Variants in VARS1 observed in about 807,000 individuals in gnomAD.
VARS1 encodes valine--tRNA ligase.
VARS1 carries 92 observed loss-of-function variants against 161.0 expected under a neutral mutation model. The ratio of observed to expected loss-of-function variants is 0.57; its 90% CI spans 0.48 to 0.68. The LOEUF (loss-of-function observed/expected upper bound fraction) is 0.68, where lower values mean the gene tolerates loss of function less well. Among genes scored for constraint, VARS1 ranks in the 30% least tolerant of loss-of-function variants. VARS1 has a pLI of 0.00. For missense variants in VARS1, 1,338 were observed against 1,695.9 expected (o/e 0.79, Z 3.71); for synonymous variants, 595 against 682.5 (o/e 0.87, Z 2.00).
chr6:31,782,857 T>A lies in VARS1; in HGVS notation c.1763-12A>T. ...GATCTTCACAGCACCTGGGTGTACA[T>A]CAGGATGCCCAGGTCATGAGGGACT... On this transcript the variant is annotated splice_polypyrimidine_tract_variant and intron_variant, in intron 14 of 29. Coordinates refer to ENST00000375663, the MANE Select transcript of VARS1 (RefSeq NM_006295.3). This position sits in a 1 kb window ranked among gnomAD's most constrained non-coding sequence, Gnocchi z 8.3. The A allele has an allele frequency of 6.2e-7, 1 of 1,607,530 alleles. No homozygotes were observed. The highest frequency in any genetic ancestry group is 8.5e-7 in the Non-Finnish European group (1 of 1,177,168).
At chr6:31,788,148 A>G (rs1187134221) in intron 8 of VARS1, among the ~76,000 whole-genome samples, 1 of 152,000 alleles carries the variant, frequency 6.6e-6, no homozygotes, top group Non-Finnish European at 1.5e-5. Flanking sequence ...TGAAAAATTG[A>G]AAAAACAAAA....
chr6:31,779,280 A>G lies in VARS1; in HGVS notation c.3413T>C (p.Val1138Ala), dbSNP rs1311941288. 1 of 1,603,064 alleles carries G rather than the reference A, an allele frequency of 6.2e-7. No individual in the cohort carries two copies. Among genetic ancestry groups the G allele is most frequent in the Admixed American group, 1.7e-5 (1 of 59,908 alleles). Reference sequence around the variant, plus strand: ...CAGGGCGCCCGTGGCCTCATCCGCCACTTCCAGGAAACCTGCCAGGGAGGG... The same window carrying G: ...CAGGGCGCCCGTGGCCTCATCCGCCGCTTCCAGGAAACCTGCCAGGGAGGG... ...TRIRPDCFLE[V>A]ADEATGALAS... Residue 1138 changes from valine to alanine, a missense_variant, in exon 29 of 30, where the codon GTG becomes GCG. Val to Ala is a moderately conservative substitution (Grantham distance 64, BLOSUM62 0). Transcript: ENST00000375663. This position sits in a 1 kb window ranked among gnomAD's most constrained non-coding sequence, Gnocchi z 9.1.
intron 6 of VARS1, 114 bp downstream of exon 6, chr6:31,792,103 G>A (rs1391263741): frequency 3.4e-6 from 5 of 1,467,512 alleles, no homozygotes; most frequent in Non-Finnish European, 3.7e-6. Flanking sequence ...TAGAGGCAGG[G>A]CAGGGGGTCT....
At chr6:31,788,513 A>AC (rs997009875) in intron 8 of VARS1, among the ~76,000 whole-genome samples, 4 of 149,152 alleles carry the variant, frequency 2.7e-5, no homozygotes, top group Non-Finnish European at 6.0e-5. Flanking sequence ...AAAAAAAACA[A>AC]AAAAAAAAAC....
In VARS1 at chr6:31,795,074, G is replaced by C. The variant is rs765215584; in HGVS notation, c.144C>G (p.Ser48Arg). The change falls in exon 2 of 30, where the codon AGC becomes AGG. Residue 48 changes from serine (S) to arginine (R), a missense_variant. By Grantham distance (110) the Ser-to-Arg change is moderately radical. Transcript: ENST00000375663. The surrounding 1 kb of genome is among the most constrained non-coding windows in gnomAD (Gnocchi z 6.9). ...GGCGGGGTGGGGGAAAGGGAGTCCTGCTAGTCGGGGGTGGCTGGAGACAGA... is the reference window on the plus strand; with the variant it reads ...GGCGGGGTGGGGGAAAGGGAGTCCTCCTAGTCGGGGGTGGCTGGAGACAGA... ...PRICLQPPPT[S>R]RTPFPPPRLP... 130 of 1,511,778 alleles carry C rather than the reference G, an allele frequency of 8.6e-5. No homozygotes were observed. Among genetic ancestry groups the C allele is most frequent in the Non-Finnish European group, 1.1e-4 (125 of 1,125,904 alleles). The allele number at this position is 1,511,778 out of a possible 1,614,324, so 93.6% of individuals were successfully genotyped here. A position where few individuals can be genotyped will look rare whatever the true frequency, so the allele number is the denominator to read the frequency against.
In VARS1 at chr6:31,784,679, C is replaced by T; in HGVS notation, c.1383G>A (p.Arg461=). The T allele has an allele frequency of 6.2e-7, 1 of 1,612,966 alleles. No homozygotes were observed. The highest frequency in any genetic ancestry group is 8.5e-7 in the Non-Finnish European group (1 of 1,180,024). The change falls in exon 11 of 30, where the codon CGG becomes CGA. Residue 461 remains arginine (R), a synonymous_variant. Transcript: ENST00000375663. The surrounding 1 kb of genome is among the most constrained non-coding windows in gnomAD (Gnocchi z 6.1). The stretch of plus-strand genomic sequence containing the variant: ...GATAGATGATGCCTTCCTCGTGAAG[C>T]CGGACAAAGGCCTCTGTCACAGCTG... ...LSAAVTEAFV[R]LHEEGIIYRS...
Position 31,782,416 on chromosome 6 carries a change from C to T in VARS1, c.2019G>A (p.Leu673=). 4.3e-6 allele frequency: 7 copies of T among 1,612,344 alleles called. No homozygotes were observed. The highest frequency in any genetic ancestry group is 1.1e-5 in the South Asian group (1 of 90,988). ...CNRSKDVVEP[L]LRPQWYVRCG... The stretch of plus-strand genomic sequence containing the variant: ...AGCGAACGTACCACTGCGGCCGCAG[C>T]AGAGGCTCTACCACGTCCTTCGACC... Residue 673 remains leucine (L), a synonymous_variant, in exon 17 of 30, where the codon CTG becomes CTA. Transcript: ENST00000375663. The surrounding 1 kb of genome is among the most constrained non-coding windows in gnomAD (Gnocchi z 8.3).
Position 31,777,787 on chromosome 6 carries a change from G to T in VARS1, c.3727-125C>A. On this transcript the variant is annotated intron_variant, in intron 29 of 29. Coordinates refer to ENST00000375663, the MANE Select transcript of VARS1 (RefSeq NM_006295.3). This position sits in a 1 kb window ranked among gnomAD's most constrained non-coding sequence, Gnocchi z 5.8. ...GAGGTCAGTAGCTCAGAGGAGGCGT[G>T]AACCTGGCTGGCCTGGCTCCCCACC... 1.8e-6 allele frequency: 2 copies of T among 1,136,424 alleles called. No individual in the cohort carries two copies. Among genetic ancestry groups the T allele is most frequent in the Non-Finnish European group, 1.3e-6 (1 of 785,444 alleles). The allele number at this position is 1,136,424 out of a possible 1,614,324, so 70.4% of individuals were successfully genotyped here. A position where few individuals can be genotyped will look rare whatever the true frequency, so the allele number is the denominator to read the frequency against.
In VARS1 at chr6:31,784,296, T is replaced by G. The variant is rs770079404; in HGVS notation, c.1589A>C (p.Glu530Ala). The stretch of plus-strand genomic sequence containing the variant: ...GATCCGAGTTGTTGCCACCACCACC[T>G]CCTCGTCGCTATCTGGGGTGACAGA... ...YKVQGSDSDE[E>A]VVVATTRIET... The change falls in exon 13 of 30, where the codon GAG becomes GCG. Residue 530 changes from glutamate to alanine, a missense_variant. This residue lies in a region of VARS1 where 902 missense variants were observed against 1,090.3 expected (regional missense o/e 0.83). Transcript: ENST00000375663. The surrounding 1 kb of genome is among the most constrained non-coding windows in gnomAD (Gnocchi z 6.1). 1.9e-6 allele frequency: 3 copies of G among 1,614,186 alleles called. No homozygotes were observed. The highest frequency in any genetic ancestry group is 2.5e-6 in the Non-Finnish European group (3 of 1,180,040).
rs149378938 is a variant in VARS1, at chr6:31,779,470, G to C, written c.3355C>G (p.Arg1119Gly). 1 of 1,612,650 alleles carries C rather than the reference G, an allele frequency of 6.2e-7. No individual in the cohort carries two copies. The highest frequency in any genetic ancestry group is 8.5e-7 in the Non-Finnish European group (1 of 1,180,010). ...AGGTTGTAGTCGGCCCGCAGGGAGCGCACGGCTCGCGTGATGCTTAGCGCC... is the reference window on the plus strand; with the variant it reads ...AGGTTGTAGTCGGCCCGCAGGGAGCCCACGGCTCGCGTGATGCTTAGCGCC... The part of the protein sequence containing the change: ...ELALSITRAV[R>G]SLRADYNLTR... The change falls in exon 28 of 30, where the codon CGC becomes GGC. Residue 1119 changes from arginine to glycine, a missense_variant. Coordinates refer to ENST00000375663, the MANE Select transcript of VARS1 (RefSeq NM_006295.3). The surrounding 1 kb of genome is among the most constrained non-coding windows in gnomAD (Gnocchi z 9.1).
chr6:31,780,575 C>T lies in VARS1; in HGVS notation c.2798-7G>A, dbSNP rs762381553. On this transcript the variant is annotated splice_region_variant and splice_polypyrimidine_tract_variant and intron_variant, in intron 24 of 29. Transcript: ENST00000375663. The surrounding 1 kb of genome is among the most constrained non-coding windows in gnomAD (Gnocchi z 5.1). ...TCCAGGTTGATGTCACGACCTGGGT[C>T]GGGGGTGAGATGTGAGTCCTCATCA... 1.4e-5 allele frequency: 22 copies of T among 1,612,982 alleles called. No individual in the cohort carries two copies. The highest frequency in any genetic ancestry group is 1.7e-4 in the Middle Eastern group (1 of 6,056).
At position 31,782,848 on chromosome 6, in the gene VARS1, G is replaced by C. The variant is rs777997585; in HGVS notation, c.1763-3C>G. 2.1e-5 allele frequency: 34 copies of C among 1,609,602 alleles called. No individual in the cohort carries two copies. Among genetic ancestry groups the C allele is most frequent in the Non-Finnish European group, 2.8e-5 (33 of 1,178,314 alleles). ...TGCGGGGGTGATCTTCACAGCACCT[G>C]GGTGTACATCAGGATGCCCAGGTCA... On this transcript the variant is annotated splice_region_variant and splice_polypyrimidine_tract_variant and intron_variant, in intron 14 of 29. Transcript: ENST00000375663. The surrounding 1 kb of genome is among the most constrained non-coding windows in gnomAD (Gnocchi z 8.3).
rs1230738474 is a variant in VARS1 at position 31,779,957 on chromosome 6, C to T, written c.3081+41G>A. 4.3e-6 allele frequency: 7 copies of T among 1,610,564 alleles called. No individual in the cohort carries two copies. Among genetic ancestry groups the T allele is most frequent in the Non-Finnish European group, 5.1e-6 (6 of 1,178,220 alleles). ...ACTGAGCCCAGGGCTCTGCTGCCCA[C>T]CTGCCCCCACCATCCCCTGCCCCGC... On this transcript the variant is annotated intron_variant, in intron 26 of 29. Transcript: ENST00000375663. The surrounding 1 kb of genome is among the most constrained non-coding windows in gnomAD (Gnocchi z 9.1).
Position 31,793,065 on chromosome 6 carries a change from A to C in VARS1, c.443T>G (p.Leu148Arg), listed in dbSNP as rs761148517. ...GGCCTCCCCGGCCAAGTAGGTGTGC[A>C]GCCGAAGCCACTCCTCCAAGGGGCT... Reference protein sequence around the residue: ...ALSPLEEWLRLHTYLAGEAPT... With the variant: ...ALSPLEEWLRRHTYLAGEAPT... Residue 148 changes from leucine (L) to arginine (R), a missense_variant, in exon 3 of 30, where the codon CTG becomes CGG. Transcript: ENST00000375663. The C allele has an allele frequency of 5.6e-6, 9 of 1,612,932 alleles. 2 individuals carry two copies. The South Asian group carries it at 7.7e-5, about 14-fold the overall frequency.
Position 31,784,840 on chromosome 6 carries a change from G to A in VARS1, c.1348-126C>T. 3.6e-6 allele frequency: 5 copies of A among 1,383,194 alleles called. No homozygotes were observed. Among genetic ancestry groups the A allele is most frequent in the Non-Finnish European group, 4.9e-6 (5 of 1,016,342 alleles). The allele number at this position is 1,383,194 out of a possible 1,614,324, so 85.7% of individuals were successfully genotyped here. A position where few individuals can be genotyped will look rare whatever the true frequency, so the allele number is the denominator to read the frequency against. On this transcript the variant is annotated intron_variant, in intron 10 of 29. Coordinates refer to ENST00000375663, the MANE Select transcript of VARS1 (RefSeq NM_006295.3). The surrounding 1 kb of genome is among the most constrained non-coding windows in gnomAD (Gnocchi z 6.1). ...CTGGCCAGCACAAAGACCCCTCTGA[G>A]GGGAGTACTTTCCTTCTTTCCTTGA... is the stretch of plus-strand genomic sequence containing the variant.
At chr6:31,789,623 C>T (rs570484849) in intron 8 of VARS1, among the ~76,000 whole-genome samples, 1 of 152,296 alleles carries the variant, frequency 6.6e-6, no homozygotes, top group East Asian at 1.9e-4. Flanking sequence ...GCTACACCAG[C>T]GAAACCCTTC....
In VARS1 at chr6:31,782,213, T is replaced by C; in HGVS notation, c.2151-36A>G. ...CGGGGAGGAGAAATCAGGGAGGGCC[T>C]GATGGAGCCTGGCCCGAGTGAGCCC... On this transcript the variant is annotated intron_variant, in intron 17 of 29. Coordinates refer to ENST00000375663, the MANE Select transcript of VARS1 (RefSeq NM_006295.3). This position sits in a 1 kb window ranked among gnomAD's most constrained non-coding sequence, Gnocchi z 8.3. 4 of 1,611,682 alleles carry C rather than the reference T, an allele frequency of 2.5e-6. No homozygotes were observed. Among genetic ancestry groups the C allele is most frequent in the Non-Finnish European group, 3.4e-6 (4 of 1,178,830 alleles).
At chr6:31,792,633 C>G (rs573539018) in intron 4 of VARS1, 117 bp from the exon 5 acceptor site, 24 of 1,590,304 alleles carry the variant, frequency 1.5e-5, no homozygotes, top group African/African-American at 8.1e-5. Flanking sequence ...TGACCTCCCC[C>G]CTCTCCCTCC....
chr6:31,785,552 G>A lies in VARS1; in HGVS notation c.1265+17C>T, dbSNP rs1047939734. ...GGAGGCAGGGCTGCGATGCCCACAGGGATGCTGCATACTCACTCCTCCTTC... is the reference window on the plus strand; with the variant it reads ...GGAGGCAGGGCTGCGATGCCCACAGAGATGCTGCATACTCACTCCTCCTTC... On this transcript the variant is annotated intron_variant, in intron 9 of 29. Transcript: ENST00000375663. This position sits in a 1 kb window ranked among gnomAD's most constrained non-coding sequence, Gnocchi z 6.1. 4 of 1,591,766 alleles carry A rather than the reference G, an allele frequency of 2.5e-6. No homozygotes were observed. In the African/African-American group the frequency reaches 5.4e-5, roughly 21 times the overall value.
Sources: gnomAD v4.1 joint callset for allele counts (sites outside exome capture counted in the v4.1 genomes callset) on GRCh38, gnomAD v4.1.1 for gene constraint, gnomAD v4.1.1 regional missense constraint, Gnocchi (gnomAD v3.1) non-coding constraint, MANE v1.5 for transcripts, NCBI Gene and HGNC (gene_info 2026-07-23, HGNC 2026-07-21) for gene names.